The following PTPRD variants were observed in gnomAD, a reference collection of about 807,000 sequenced individuals.
PTPRD encodes the protein receptor-type tyrosine-protein phosphatase delta.
In PTPRD, 34 loss-of-function variants were observed where a neutral mutation model predicts 214.5. The ratio of observed to expected loss-of-function variants is 0.16; its 90% CI spans 0.12 to 0.21. The LOEUF (loss-of-function observed/expected upper bound fraction) is 0.21. PTPRD is among the 10% of genes least tolerant of loss of function. PTPRD has a pLI of 1.00. For synonymous variants in PTPRD, 1,128 were observed against 845.7 expected, an observed-to-expected ratio of 1.33 and a Z score of -5.79; for missense variants, 2,545 against 2,398.7, an observed-to-expected ratio of 1.06 and a Z score of -1.27.
intron 3 of PTPRD, among the ~76,000 whole-genome samples, chr9:10,226,941 G>T (rs1488395551): frequency 6.6e-6 from 1 of 151,860 alleles, no homozygotes; most frequent in East Asian, 1.9e-4. Context: ...ATTAGAACAA[G>T]AAATAGATAC....
rs575044102 is a variant in PTPRD at position 10,518,373 on chromosome 9, G to C, written c.-600+94025C>G. On this transcript the variant is annotated intron_variant, in intron 2 of 45. Transcript: ENST00000381196. ...GTATCTATTAATTACCTACATGTAG[G>C]GCAAATTTTACAAGTAGAAAAAAAT... Among the ~76,000 whole-genome samples, 4 of 151,952 alleles carry C rather than the reference G, an allele frequency of 2.6e-5. No homozygotes were observed. In the South Asian group the frequency reaches 8.3e-4, roughly 32 times the overall value.
At chr9:8,922,643 A>AT (rs141535299) in intron 11 of PTPRD, among the ~76,000 whole-genome samples, 13,179 of 151,504 alleles carry the variant, frequency 0.087, 980 homozygotes, top group East Asian at 0.37. Flanking sequence ...TTCTAATTTT[A>AT]TTTTTTTTGA....
Position 9,892,744 on chromosome 9 carries a change from TA to T in PTPRD, c.-368+45762del, listed in dbSNP as rs34445709. ...TTAGGAGCCCATTATAATAACGAGG[TA>T]AAAAAAAAAAAATTGTGTCTTGTTC... On this transcript the variant is annotated intron_variant, in intron 5 of 45. Coordinates refer to ENST00000381196, the MANE Select transcript of PTPRD (RefSeq NM_002839.4). Among the ~76,000 whole-genome samples, 420 of 144,094 alleles carry T rather than the reference TA, an allele frequency of 2.9e-3. 2 individuals are homozygous for T. Among genetic ancestry groups the T allele is most frequent in the South Asian group, 6.4e-3 (29 of 4,538 alleles). The allele number at this position is 144,094 out of a possible 152,430, so 94.5% of individuals were successfully genotyped here. A position where few individuals can be genotyped will look rare whatever the true frequency, so the allele number is the denominator to read the frequency against.
intron 11 of PTPRD, among the ~76,000 whole-genome samples, chr9:8,994,369 A>G (rs2099388507): frequency 6.6e-6 from 1 of 152,146 alleles, no homozygotes; most frequent in African/African-American, 2.4e-5. Context: ...TCCTTCAACA[A>G]TGCCTAGCAC....
intron 39 of PTPRD, among the ~76,000 whole-genome samples, chr9:8,360,794 A>G (rs2078272385): frequency 6.6e-6 from 1 of 152,144 alleles, no homozygotes; most frequent in Admixed American, 6.5e-5. Context: ...GTCCTTAGAG[A>G]AATTCCAAGG....
rs574391076 is a variant in PTPRD, at chr9:8,976,162, G to C, written c.-104+42535C>G. Among the ~76,000 whole-genome samples, 23 of 152,014 alleles carry C rather than the reference G, an allele frequency of 1.5e-4. No homozygotes were observed. In the South Asian group the frequency reaches 4.2e-3, roughly 27 times the overall value. On this transcript the variant is annotated intron_variant, in intron 11 of 45. Transcript: ENST00000381196. ...ACTTCCCTTCTTTTTCTGCACCCTT[G>C]CTATCTTTTGCCCTATCTGGGGAAA...
intron 31 of PTPRD, among the ~76,000 whole-genome samples, chr9:8,467,824 T>C (rs117816837): frequency 2.1e-3 from 323 of 152,070 alleles, no homozygotes; most frequent in Non-Finnish European, 3.8e-3. Flanking sequence ...AGTATTATAA[T>C]TGAAGCATCA....
chr9:10,060,920 C>G (rs1184933594), intron 3 of PTPRD, among the ~76,000 whole-genome samples: 2 of 117,848 alleles, frequency 1.7e-5, no homozygotes, highest in Non-Finnish European at 3.2e-5. Context: ...TTCTTTCTTT[C>G]TTTCTTTCTT....
intron 9 of PTPRD, among the ~76,000 whole-genome samples, chr9:9,309,348 A>C (rs1958164933): frequency 6.6e-6 from 1 of 152,162 alleles, no homozygotes; most frequent in Admixed American, 6.6e-5. Flanking sequence ...ACAACAAAAA[A>C]AACAAAGAAT....
chr9:8,795,978 C>G (rs945761220), intron 11 of PTPRD, among the ~76,000 whole-genome samples: 1 of 152,016 alleles, frequency 6.6e-6, no homozygotes, highest in African/African-American at 2.4e-5. Flanking sequence ...CTTTTAACTT[C>G]GATAAGAAAA....
At chr9:8,938,855 A>T (rs1448694442) in intron 11 of PTPRD, among the ~76,000 whole-genome samples, 1 of 152,182 alleles carries the variant, frequency 6.6e-6, no homozygotes, top group Non-Finnish European at 1.5e-5. Context: ...TTAGCATATT[A>T]ATTAAGACAA....
chr9:10,068,031 A>G (rs1189834549), intron 3 of PTPRD, among the ~76,000 whole-genome samples: 1 of 151,944 alleles, frequency 6.6e-6, no homozygotes, highest in African/African-American at 2.4e-5. Flanking sequence ...TATTTCTGAT[A>G]CAATCCTGAG....
chr9:9,088,507 G>C (rs1298195821), intron 10 of PTPRD, among the ~76,000 whole-genome samples: 3 of 146,312 alleles, frequency 2.1e-5, no homozygotes, highest in Non-Finnish European at 3.0e-5. Flanking sequence ...TTGAACCCAG[G>C]AGGTCGGGGT....
intron 14 of PTPRD, among the ~76,000 whole-genome samples, chr9:8,563,525 C>T (rs1035639446): frequency 1.3e-5 from 2 of 150,592 alleles, no homozygotes; most frequent in Non-Finnish European, 2.9e-5. Flanking sequence ...GCAACCTCTG[C>T]TCATGGGTTC....
At chr9:9,075,509 C>T (rs1228119973) in intron 10 of PTPRD, among the ~76,000 whole-genome samples, 1 of 152,104 alleles carries the variant, frequency 6.6e-6, no homozygotes, top group South Asian at 2.1e-4. Context: ...TGTGCTGCAA[C>T]CATTAACTCG....
chr9:9,657,946 T>C lies in PTPRD; in HGVS notation c.-287+76587A>G, dbSNP rs1594462736. ...TCCCAATGGCCCTTACATATTTAAT[T>C]CAGCCAAGTGGAACTCATTTGACTT... is the stretch of plus-strand genomic sequence containing the variant. On this transcript the variant is annotated intron_variant, in intron 7 of 45. Transcript: ENST00000381196. Among the ~76,000 whole-genome samples the C allele has an allele frequency of 4.6e-5, 7 of 152,346 alleles. No individual in the cohort carries two copies. The South Asian group carries it at 1.2e-3, about 27-fold the overall frequency.
At chr9:10,471,189 T>G (rs2099028849) in intron 2 of PTPRD, among the ~76,000 whole-genome samples, 1 of 151,864 alleles carries the variant, frequency 6.6e-6, no homozygotes, top group African/African-American at 2.4e-5. Context: ...GAGAAACACC[T>G]AATATAGATG....
chr9:9,630,135 A>G (rs2095544718), intron 7 of PTPRD, among the ~76,000 whole-genome samples: 1 of 152,218 alleles, frequency 6.6e-6, no homozygotes, highest in African/African-American at 2.4e-5. Context: ...GTGCCAGCAC[A>G]AGTTCAGCCA....
intron 12 of PTPRD, among the ~76,000 whole-genome samples, chr9:8,696,365 T>C (rs1044581570): frequency 6.6e-6 from 1 of 152,192 alleles, no homozygotes; most frequent in Admixed American, 6.5e-5. Context: ...CTATCAAATG[T>C]TTATTGAACA....
Sources: gnomAD v4.1 joint callset for allele counts (sites outside exome capture counted in the v4.1 genomes callset) on GRCh38, gnomAD v4.1.1 for gene constraint, MANE v1.5 for transcripts, NCBI Gene and HGNC (gene_info 2026-07-23, HGNC 2026-07-21) for gene names.